KIAA1671: variants seen among roughly 807,000 people sequenced by gnomAD.
KIAA1671 encodes KIAA1671, also known as uncharacterized protein KIAA1671.
Under a neutral mutation model 131.2 loss-of-function variants are expected in KIAA1671, and 52 were observed. That is an observed-to-expected ratio of 0.40 (90% CI 0.32 to 0.50). The LOEUF is 0.50. Ranked by LOEUF, KIAA1671 falls within the 20% of genes least tolerant of loss-of-function variation. KIAA1671 has a pLI of 0.73. For missense variants in KIAA1671, 2,360 were observed against 2,364.2 expected, an observed-to-expected ratio of 1.00 and a Z score of 0.04; for synonymous variants, 1,003 against 961.6, an observed-to-expected ratio of 1.04 and a Z score of -0.80.
In KIAA1671 at chr22:25,067,950, A is replaced by G. The variant is rs990163754; in HGVS notation, c.4530+18586A>G. Among the ~76,000 whole-genome samples the G allele has an allele frequency of 2.6e-5, 4 of 152,388 alleles. No homozygotes were observed. The East Asian group carries it at 5.8e-4, about 22-fold the overall frequency. Reference sequence around the variant, plus strand: ...CATCAGCCAGTCAGCCAGGACACGCAGCGCCAGGGGTACAGCCAGGCAGCT... The same window carrying G: ...CATCAGCCAGTCAGCCAGGACACGCGGCGCCAGGGGTACAGCCAGGCAGCT... On this transcript the variant is annotated intron_variant, in intron 6 of 12. Transcript: ENST00000358431.
chr22:25,040,705 A>T lies in KIAA1671; in HGVS notation c.3575A>T (p.Asp1192Val). Reference sequence around the variant, plus strand: ...GACACGTTCCCAGGTAAAATCAGAGATGGCTACAGATCCAGCGTTCTTGAC... The same window carrying T: ...GACACGTTCCCAGGTAAAATCAGAGTTGGCTACAGATCCAGCGTTCTTGAC... ...ISDTFPGKIR[D>V]GYRSSVLDID... Residue 1192 changes from aspartate to valine, a missense_variant, in exon 5 of 13, where the codon GAT becomes GTT. Physicochemically the swap from Asp to Val is radical, Grantham distance 152. This residue lies in a region of KIAA1671 where 1,161 missense variants were observed against 1,204.7 expected (regional missense o/e 0.96). Transcript: ENST00000358431. 1 of 1,552,114 alleles carries T rather than the reference A, an allele frequency of 6.4e-7. No homozygotes were observed.
At chr22:25,017,729 C>G (rs1159589588) in intron 1 of KIAA1671, among the ~76,000 whole-genome samples, 1 of 152,088 alleles carries the variant, frequency 6.6e-6, no homozygotes, top group Admixed American at 6.6e-5. Flanking sequence ...ATGGGCTTAT[C>G]CCAGGTAAAC....
At position 25,039,238 on chromosome 22, in the gene KIAA1671, A is replaced by G; in HGVS notation, c.2108A>G (p.Asp703Gly). 6.4e-7 allele frequency: 1 copy of G among 1,552,302 alleles called. No homozygotes were observed. The highest frequency in any genetic ancestry group is 8.7e-7 in the Non-Finnish European group (1 of 1,147,122). The change falls in exon 5 of 13, where the codon GAC becomes GGC. Residue 703 changes from aspartate (D) to glycine (G), a missense_variant. This residue lies in a region of KIAA1671 where 1,185 missense variants were observed against 1,126.2 expected (regional missense o/e 1.05). Transcript: ENST00000358431. ...AGACCGTATCACACGCCTCTCCGGG[A>G]CAAATACCCTTTGTCTGAAAACCAC... ...ELRPYHTPLR[D>G]KYPLSENHNN... is the part of the protein sequence containing the mutation.
chr22:24,960,654 C>CTTTTTTTTTTTTTTTTTTT (rs34901740), intron 1 of KIAA1671, among the ~76,000 whole-genome samples: 1 of 71,540 alleles, frequency 1.4e-5, no homozygotes, highest in African/African-American at 5.5e-5. Flanking sequence ...TTTTCAGGTT[C>CTTTTTTTTTTTTTTTTTTT]TTTTTTTTTT....
intron 6 of KIAA1671, chr22:25,058,201 G>T (rs1195100432): frequency 1.3e-5 from 2 of 152,136 alleles, no homozygotes; most frequent in Non-Finnish European, 2.9e-5. Context: ...TTTTTAAATA[G>T]ACTTGACTTT....
At chr22:25,176,984 T>G (rs1219323325) in intron 8 of KIAA1671, 1 of 189,780 alleles carries the variant, frequency 5.3e-6, no homozygotes, top group Non-Finnish European at 1.1e-5. Flanking sequence ...AAACAAACAT[T>G]AATTGAGCTC....
intron 6 of KIAA1671, among the ~76,000 whole-genome samples, chr22:25,074,514 A>AAAAAAAAAAAAAAG (rs59411918): frequency 1.3e-4 from 15 of 117,424 alleles, no homozygotes; most frequent in South Asian, 2.7e-4. Context: ...AAAAAAAAAA[A>AAAAAAAAAAAAAAG]AAAGAAAGAA....
At chr22:25,147,108 C>T (rs1208171561) in intron 6 of KIAA1671, among the ~76,000 whole-genome samples, 2 of 152,164 alleles carry the variant, frequency 1.3e-5, no homozygotes, top group Non-Finnish European at 1.5e-5. Context: ...TTGATCCAAA[C>T]GTCAAACATG....
intron 6 of KIAA1671, among the ~76,000 whole-genome samples, chr22:25,117,893 C>G (rs776587873): frequency 1.3e-5 from 2 of 152,048 alleles, no homozygotes. Context: ...AATCCCAGCA[C>G]TTTGGGAGGC....
intron 6 of KIAA1671, among the ~76,000 whole-genome samples, chr22:25,125,550 A>G (rs1039942600): frequency 4.6e-5 from 7 of 150,566 alleles, no homozygotes; most frequent in African/African-American, 1.7e-4. Context: ...ATGGTGTAGA[A>G]CTGGGTTTCA....
At chr22:25,116,934 T>C (rs1397510091) in intron 6 of KIAA1671, among the ~76,000 whole-genome samples, 1 of 152,252 alleles carries the variant, frequency 6.6e-6, no homozygotes, top group East Asian at 1.9e-4. Flanking sequence ...ACTATTGCTG[T>C]ATATTAGAGT....
chr22:25,059,664 A>G (rs1025290295), intron 6 of KIAA1671: 5 of 152,206 alleles, frequency 3.3e-5, no homozygotes, highest in African/African-American at 4.8e-5. Context: ...GGATCCTGAC[A>G]GGGGAGTAGT....
At chr22:25,048,176 G>A (rs1927349264) in intron 5 of KIAA1671, among the ~76,000 whole-genome samples, 3 of 152,204 alleles carry the variant, frequency 2.0e-5, no homozygotes, top group Admixed American at 1.3e-4. Flanking sequence ...GAATCAAGAC[G>A]CATGTTTTGA....
At chr22:25,059,797 G>A (rs151329568) in intron 6 of KIAA1671, 2 of 152,272 alleles carry the variant, frequency 1.3e-5, no homozygotes, top group East Asian at 3.9e-4. Flanking sequence ...TCCTGGGAGG[G>A]GACCCCTGCA....
chr22:25,155,620 G>A (rs1369802189), intron 6 of KIAA1671, among the ~76,000 whole-genome samples: 1 of 151,908 alleles, frequency 6.6e-6, no homozygotes, highest in Non-Finnish European at 1.5e-5. Context: ...TTGTGTTTGT[G>A]TGAAAGTGTT....
At chr22:25,116,820 C>T (rs1302800868) in intron 6 of KIAA1671, among the ~76,000 whole-genome samples, 1 of 152,192 alleles carries the variant, frequency 6.6e-6, no homozygotes, top group Non-Finnish European at 1.5e-5. Context: ...GAGCTGCCTT[C>T]TAGTGAGGCT....
At chr22:25,075,262 C>T (rs1044025371) in intron 6 of KIAA1671, among the ~76,000 whole-genome samples, 2 of 152,136 alleles carry the variant, frequency 1.3e-5, no homozygotes, top group Admixed American at 6.6e-5. Context: ...CATCCTATAA[C>T]GCACAGGACA....
intron 1 of KIAA1671, among the ~76,000 whole-genome samples, chr22:24,994,572 T>C (rs1924012129): frequency 6.6e-6 from 1 of 152,144 alleles, no homozygotes; most frequent in Non-Finnish European, 1.5e-5. Context: ...CCAGGCACCC[T>C]GTGGTGCCTG....
At chr22:25,180,177 T>C (rs540797971) in intron 9 of KIAA1671, among the ~76,000 whole-genome samples, 2 of 152,348 alleles carry the variant, frequency 1.3e-5, no homozygotes, top group East Asian at 3.9e-4. Context: ...AGGGGCCAGA[T>C]CATGGAGATC....
Sources: allele counts gnomAD v4.1 joint callset (sites outside exome capture counted in the v4.1 genomes callset), GRCh38; gene constraint gnomAD v4.1.1; regional missense constraint gnomAD v4.1.1; transcripts MANE v1.5; gene names NCBI Gene and HGNC (gene_info 2026-07-23, HGNC 2026-07-21).